DAPK1: variants seen among roughly 807,000 people sequenced by gnomAD.
DAPK1 encodes death associated protein kinase 1, also known as death-associated protein kinase 1.
A neutral mutation model predicts 144.9 loss-of-function variants in DAPK1; 56 were observed. The observed-to-expected ratio is 0.39, with a 90% confidence interval of 0.31 to 0.48. The LOEUF (loss-of-function observed/expected upper bound fraction) is 0.48. Among genes scored for constraint, DAPK1 ranks in the 20% least tolerant of loss-of-function variants. The pLI, the probability that DAPK1 is intolerant of heterozygous loss-of-function variation, is 0.95. For missense variants in DAPK1, 1,454 were observed against 1,875.4 expected (o/e 0.78, Z 4.15); for synonymous variants, 690 against 749.0 (o/e 0.92, Z 1.29).
chr9:87,632,530 A>G (rs756662396), intron 3 of DAPK1: 33 of 977,964 alleles, frequency 3.4e-5, no homozygotes, highest in Non-Finnish European at 3.9e-5. Flanking sequence ...ATAGAAATGA[A>G]GGAAGATGAG....
chr9:87,560,237 C>A (rs1288761333), intron 2 of DAPK1, among the ~76,000 whole-genome samples: 1 of 152,064 alleles, frequency 6.6e-6, no homozygotes, highest in Non-Finnish European at 1.5e-5. Flanking sequence ...CTCAAGTGAT[C>A]TGCCTGCCTT....
In DAPK1 at chr9:87,507,775, C is replaced by T. The variant is rs181821663; in HGVS notation, c.62+8636C>T. On this transcript the variant is annotated intron_variant, in intron 2 of 25. Coordinates refer to ENST00000408954, the MANE Select transcript of DAPK1 (RefSeq NM_004938.4). ...TATTGATGGCACTTATATTCATAAG[C>T]CTGATGGGTTTTGGCTGGGAAATTT... Among the ~76,000 whole-genome samples, 3 of 152,170 alleles carry T rather than the reference C, an allele frequency of 2.0e-5. No homozygotes were observed. The East Asian group carries it at 5.8e-4, about 29-fold the overall frequency.
intron 2 of DAPK1, among the ~76,000 whole-genome samples, chr9:87,521,661 T>C (rs1825303218): frequency 1.3e-5 from 2 of 152,218 alleles, no homozygotes; most frequent in Non-Finnish European, 2.9e-5. Context: ...GTACTTTTTT[T>C]CCAGCTTTAT....
At chr9:87,536,053 G>C (rs1036783985) in intron 2 of DAPK1, among the ~76,000 whole-genome samples, 1 of 152,186 alleles carries the variant, frequency 6.6e-6, no homozygotes, top group African/African-American at 2.4e-5. Context: ...GTGAAATGGG[G>C]CTTGCCAGCT....
rs566260936 is a variant in DAPK1, at chr9:87,585,777, C to T, written c.63-19177C>T. Among the ~76,000 whole-genome samples, 14 of 152,270 alleles carry T rather than the reference C, an allele frequency of 9.2e-5. No homozygotes were observed. In the East Asian group the frequency reaches 1.7e-3, roughly 19 times the overall value. Reference sequence around the variant, plus strand: ...ACAGCCACAGGCCACTTGTGGCCATCGAGCACTTGAAGTAGGGCTGGTTTG... The same window carrying T: ...ACAGCCACAGGCCACTTGTGGCCATTGAGCACTTGAAGTAGGGCTGGTTTG... On this transcript the variant is annotated intron_variant, in intron 2 of 25. Transcript: ENST00000408954.
intron 19 of DAPK1, among the ~76,000 whole-genome samples, chr9:87,676,165 C>T (rs376659374): frequency 1.3e-5 from 2 of 152,202 alleles, no homozygotes; most frequent in South Asian, 2.1e-4. Context: ...ACATGGCTCC[C>T]ACCTGGCCCA....
At chr9:87,647,431 T>C in intron 14 of DAPK1, 28 bp downstream of exon 14, 1 of 1,590,918 alleles carries the variant, frequency 6.3e-7, no homozygotes. Flanking sequence ...AGGAGGAACA[T>C]GAGGTGGTAG....
At chr9:87,689,867 C>T (rs1240020041) in intron 21 of DAPK1, among the ~76,000 whole-genome samples, 1 of 152,154 alleles carries the variant, frequency 6.6e-6, no homozygotes, top group Admixed American at 6.5e-5. Context: ...GTCTATGTGT[C>T]TGTTTTTATA....
rs543788162 is a variant in DAPK1, at chr9:87,611,810, A to G, written c.284+6635A>G. Reference sequence around the variant, plus strand: ...TTGAAAGCCAGAATTTCCATTTTTAACAGATTCCCGGGTGATGCGGATGCT... The same window carrying G: ...TTGAAAGCCAGAATTTCCATTTTTAGCAGATTCCCGGGTGATGCGGATGCT... On this transcript the variant is annotated intron_variant, in intron 3 of 25. Transcript: ENST00000408954. Among the ~76,000 whole-genome samples, 234 of 152,200 alleles carry G rather than the reference A, an allele frequency of 1.5e-3. 1 individual carries two copies. Among genetic ancestry groups the G allele is most frequent in the African/African-American group, 5.3e-3 (222 of 41,526 alleles).
At chr9:87,611,913 C>G (rs933174683) in intron 3 of DAPK1, among the ~76,000 whole-genome samples, 15 of 152,288 alleles carry the variant, frequency 9.8e-5, no homozygotes, top group African/African-American at 3.4e-4. Flanking sequence ...TGTCTTAGTT[C>G]ATTTTGGGTT....
rs537116937 is a variant in DAPK1, at chr9:87,658,079, G to T, written c.1875G>T (p.Val625=). The change falls in exon 18 of 26, where the codon GTG becomes GTT. Residue 625 remains valine, a synonymous_variant. Transcript: ENST00000408954. ...CGGCCAACAACGGAATCCTAGACGT[G>T]GTCCGGTATCTCTGTCTGATGGGAG... The part of the protein sequence containing the change: ...HLAANNGILD[V]VRYLCLMGAS... 6.4e-7 allele frequency: 1 copy of T among 1,551,160 alleles called. No individual in the cohort carries two copies. Among genetic ancestry groups the T allele is most frequent in the Non-Finnish European group, 8.9e-7 (1 of 1,123,244 alleles).
At chr9:87,547,680 G>T (rs1320471983) in intron 2 of DAPK1, among the ~76,000 whole-genome samples, 2 of 151,796 alleles carry the variant, frequency 1.3e-5, no homozygotes, top group Non-Finnish European at 2.9e-5. Flanking sequence ...TCCAGAATTT[G>T]CTGGGGTAGT....
chr9:87,539,531 GT>G (rs1825970829), intron 2 of DAPK1, among the ~76,000 whole-genome samples: 1 of 112,306 alleles, frequency 8.9e-6, no homozygotes, highest in African/African-American at 3.1e-5. Context: ...CCGAGTTCAA[GT>G]GATTCTCCTG....
At chr9:87,543,067 G>T (rs1826113086) in intron 2 of DAPK1, among the ~76,000 whole-genome samples, 1 of 152,178 alleles carries the variant, frequency 6.6e-6, no homozygotes, top group African/African-American at 2.4e-5. Flanking sequence ...TTAATAAGTA[G>T]GGATTTAAAA....
intron 17 of DAPK1, among the ~76,000 whole-genome samples, chr9:87,653,161 C>T (rs74837318): frequency 6.6e-5 from 7 of 105,512 alleles, no homozygotes; most frequent in African/African-American, 9.6e-5. Context: ...TCCATCCCCC[C>T]GATCCTGGGT....
Position 87,648,776 on chromosome 9 carries a change from T to C in DAPK1, c.1330-5T>C, listed in dbSNP as rs1353976945. 5.6e-6 allele frequency: 9 copies of C among 1,613,438 alleles called. No homozygotes were observed. In the Admixed American group the frequency reaches 1.3e-4, roughly 24 times the overall value. On this transcript the variant is annotated splice_region_variant and splice_polypyrimidine_tract_variant and intron_variant, in intron 14 of 25. Transcript: ENST00000408954. ...TCTGAATCACCGGCTCCTTTTCTTC[T>C]GCAGTCTGGAGAGATGGCCCTCCAC...
At chr9:87,580,764 C>T (rs1456108394) in intron 2 of DAPK1, among the ~76,000 whole-genome samples, 3 of 152,120 alleles carry the variant, frequency 2.0e-5, no homozygotes, top group Non-Finnish European at 4.4e-5. Context: ...TTAAATTGCC[C>T]CTGTAAAGAA....
chr9:87,511,789 C>T (rs1310571787), intron 2 of DAPK1, among the ~76,000 whole-genome samples: 1 of 151,608 alleles, frequency 6.6e-6, no homozygotes, highest in Non-Finnish European at 1.5e-5. Context: ...CGGCTCACTG[C>T]AACCTCCGCC....
In DAPK1 at chr9:87,673,632, G is replaced by A. The variant is rs1431986375; in HGVS notation, c.2001+4958G>A. Among the ~76,000 whole-genome samples, 3 of 152,128 alleles carry A rather than the reference G, an allele frequency of 2.0e-5. No individual in the cohort carries two copies. The East Asian group carries it at 5.8e-4, about 29-fold the overall frequency. ...GGGCAGGGCTGAGCTGCATGGGATC[G>A]ACTCTGACGCACCTCCACATTAAGT... On this transcript the variant is annotated intron_variant, in intron 19 of 25. Transcript: ENST00000408954.
Sources: allele counts gnomAD v4.1 joint callset (sites outside exome capture counted in the v4.1 genomes callset), GRCh38; gene constraint gnomAD v4.1.1; transcripts MANE v1.5; gene names NCBI Gene and HGNC (gene_info 2026-07-23, HGNC 2026-07-21).